STK33: variants seen among roughly 807,000 people sequenced by gnomAD.
STK33 encodes serine/threonine-protein kinase 33.
Under a neutral mutation model 58.0 loss-of-function variants are expected in STK33, and 52 were observed. That is an observed-to-expected ratio of 0.90 (90% confidence interval 0.72 to 1.13). The LOEUF is 1.13. Ranked by LOEUF, STK33 falls within the 50% of genes most tolerant of loss-of-function variation. The pLI is 0.00. For synonymous variants in STK33, 215 were observed against 200.1 expected (o/e 1.07, Z -0.63); for missense variants, 630 against 604.2 (o/e 1.04, Z -0.45).
chr11:8,416,031 G>A (rs1366415915), intron 14 of STK33, among the ~76,000 whole-genome samples: 1 of 152,190 alleles, frequency 6.6e-6, no homozygotes, highest in Non-Finnish European at 1.5e-5. Context: ...CTCAAAGGCT[G>A]TTGGTGATTA....
chr11:8,545,120 CA>C (rs964221693), intron 1 of STK33, among the ~76,000 whole-genome samples: 2 of 152,158 alleles, frequency 1.3e-5, no homozygotes, highest in Non-Finnish European at 2.9e-5. Context: ...AGTGTAAGTC[CA>C]AATGAACCAA....
At chr11:8,569,096 G>T (rs749159975) in intron 1 of STK33, among the ~76,000 whole-genome samples, 5 of 152,130 alleles carry the variant, frequency 3.3e-5, no homozygotes, top group Non-Finnish European at 5.9e-5. Flanking sequence ...ATTTACCAAG[G>T]TTTATTCTAT....
chr11:8,385,141 C>G, the STK33 span, among the ~76,000 whole-genome samples: 1 of 152,188 alleles, frequency 6.6e-6, no homozygotes, highest in Admixed American at 6.5e-5. Context: ...ATTTGATTTC[C>G]AAAACATATT....
intron 1 of STK33, among the ~76,000 whole-genome samples, chr11:8,505,535 C>T (rs921829690): frequency 2.0e-5 from 3 of 152,160 alleles, no homozygotes; most frequent in African/African-American, 7.2e-5. Context: ...CTCTTAAACA[C>T]CACCTCTTCC....
chr11:8,491,381 A>G (rs1210447721), intron 1 of STK33, among the ~76,000 whole-genome samples: 1 of 152,230 alleles, frequency 6.6e-6, no homozygotes, highest in Non-Finnish European at 1.5e-5. Context: ...AAGCAAGAGG[A>G]GAAGTTTAGA....
intron 1 of STK33, among the ~76,000 whole-genome samples, chr11:8,499,698 A>G (rs920701191): frequency 6.6e-6 from 1 of 152,226 alleles, no homozygotes; most frequent in African/African-American, 2.4e-5. Context: ...CAAACTGGAT[A>G]AAGAAATGTG....
chr11:8,347,123 ACTCT>A, the STK33 span, among the ~76,000 whole-genome samples: 1 of 151,882 alleles, frequency 6.6e-6, no homozygotes, highest in Non-Finnish European at 1.5e-5. Context: ...CAAAATTCAA[ACTCT>A]CTATCAGGAC....
chr11:8,390,299 G>A (rs143837207), downstream of STK33, among the ~76,000 whole-genome samples: 110 of 152,236 alleles, frequency 7.2e-4, no homozygotes, highest in African/African-American at 2.5e-3. Flanking sequence ...ACTATGTCCC[G>A]CTGGATCACA....
intron 1 of STK33, among the ~76,000 whole-genome samples, chr11:8,534,386 G>T (rs145782377): frequency 4.6e-5 from 7 of 152,152 alleles, no homozygotes; most frequent in Non-Finnish European, 1.0e-4. Flanking sequence ...CCCAAAAATA[G>T]GAAGAACCAC....
At chr11:8,366,806 T>G in the STK33 span, among the ~76,000 whole-genome samples, 2 of 152,156 alleles carry the variant, frequency 1.3e-5, no homozygotes, top group African/African-American at 2.4e-5. Context: ...TGACACCAAT[T>G]AATTCCCCAT....
At chr11:8,457,116 T>C (rs998467756) in intron 9 of STK33, among the ~76,000 whole-genome samples, 4 of 152,214 alleles carry the variant, frequency 2.6e-5, no homozygotes, top group African/African-American at 9.6e-5. Flanking sequence ...TTAGCTTCTC[T>C]TCAAACTGTT....
chr11:8,472,788 A>C (rs535395803), intron 6 of STK33, among the ~76,000 whole-genome samples: 2 of 152,312 alleles, frequency 1.3e-5, no homozygotes, highest in Admixed American at 6.5e-5. Flanking sequence ...CTCATGAGGG[A>C]GATTCTGGCC....
At chr11:8,471,240 A>T (rs74053236) in intron 6 of STK33, among the ~76,000 whole-genome samples, 3,546 of 152,302 alleles carry the variant, frequency 0.023, 146 homozygotes, top group African/African-American at 0.079. Context: ...TGAAGACAGT[A>T]TTCAATACTG....
At chr11:8,555,201 G>A (rs968085515) in intron 1 of STK33, 1 of 152,080 alleles carries the variant, frequency 6.6e-6, no homozygotes, top group Non-Finnish European at 1.5e-5. Context: ...ATCTAAAAGA[G>A]TCAAACTCAT....
the STK33 span, among the ~76,000 whole-genome samples, chr11:8,352,956 C>T: frequency 1.3e-5 from 2 of 152,326 alleles, no homozygotes; most frequent in East Asian, 1.9e-4. Context: ...AGAGCCCAGG[C>T]TCATGAGCAC....
intron 2 of STK33, among the ~76,000 whole-genome samples, chr11:8,480,130 T>C (rs1382493566): frequency 1.3e-5 from 2 of 152,178 alleles, no homozygotes; most frequent in Non-Finnish European, 1.5e-5. Context: ...TTCTACGTGA[T>C]TTGAAGAGAC....
intron 15 of STK33, among the ~76,000 whole-genome samples, chr11:8,402,620 A>AT (rs1454448369): frequency 6.6e-6 from 1 of 152,032 alleles, no homozygotes; most frequent in African/African-American, 2.4e-5. Context: ...TATAATAATA[A>AT]AAAAAAGAAT....
chr11:8,397,340 C>T (rs945838007), intron 15 of STK33, among the ~76,000 whole-genome samples: 2 of 152,234 alleles, frequency 1.3e-5, no homozygotes, highest in Non-Finnish European at 1.5e-5. Context: ...CTGCTGACAC[C>T]CAGGCAAACA....
In STK33 at chr11:8,558,181, G is replaced by A. The variant is rs549515543; in HGVS notation, c.-466+35902C>T. ...GATTTCCATCATTCATTTGTTTGCAGGGAGCTGTTTAACTATTGCAAATCA... is the reference window on the plus strand; with the variant it reads ...GATTTCCATCATTCATTTGTTTGCAAGGAGCTGTTTAACTATTGCAAATCA... On this transcript the variant is annotated intron_variant, in intron 1 of 15. Coordinates refer to ENST00000687296, the MANE Select transcript of STK33 (RefSeq NM_001352389.2). Among the ~76,000 whole-genome samples the A allele has an allele frequency of 8.5e-5, 13 of 152,310 alleles. No individual in the cohort carries two copies. In the South Asian group the frequency reaches 2.5e-3, roughly 29 times the overall value.
Sources: gnomAD v4.1 joint callset for allele counts (sites outside exome capture counted in the v4.1 genomes callset) on GRCh38, gnomAD v4.1.1 for gene constraint, MANE v1.5 for transcripts, NCBI Gene and HGNC (gene_info 2026-07-23, HGNC 2026-07-21) for gene names.